Variants in PDZD8 observed in about 807,000 individuals in gnomAD.
The protein encoded by PDZD8 is PDZ domain-containing protein 8.
In PDZD8, 14 loss-of-function variants were observed where a neutral mutation model predicts 85.8. The ratio of observed to expected loss-of-function variants is 0.16; its 90% CI spans 0.11 to 0.26. The LOEUF (loss-of-function observed/expected upper bound fraction) is 0.26, where lower values mean the gene tolerates loss of function less well. Among genes scored for constraint, PDZD8 ranks in the 10% least tolerant of loss-of-function variants. PDZD8 has a pLI of 1.00. For missense variants in PDZD8, 1,197 were observed against 1,424.3 expected (o/e 0.84, Z 2.57); for synonymous variants, 592 against 568.6 (o/e 1.04, Z -0.59).
At chr10:117,338,414 C>G (rs1160887281) in intron 2 of PDZD8, among the ~76,000 whole-genome samples, 1 of 152,136 alleles carries the variant, frequency 6.6e-6, no homozygotes, top group African/African-American at 2.4e-5. Flanking sequence ...ATAACCTAAG[C>G]CGACAGTTAC....
chr10:117,365,609 C>T lies in PDZD8; in HGVS notation c.872+8747G>A, dbSNP rs145163547. Among the ~76,000 whole-genome samples, 605 of 152,164 alleles carry T rather than the reference C, an allele frequency of 4.0e-3. 5 individuals are homozygous for T. The highest frequency in any genetic ancestry group is 0.014 in the African/African-American group (563 of 41,488). ...TGATATATATCTAGTAAAATTAGTA[C>T]TGCTCATCTAAAGGTAAATAATTAA... On this transcript the variant is annotated intron_variant, in intron 1 of 4. Transcript: ENST00000334464.
At chr10:117,288,177 A>G (rs1844697523) in intron 4 of PDZD8, among the ~76,000 whole-genome samples, 1 of 152,212 alleles carries the variant, frequency 6.6e-6, no homozygotes, top group Non-Finnish European at 1.5e-5. Flanking sequence ...AGCTTCAAAT[A>G]TAATATTTTG....
rs547268986 is a variant in PDZD8 at position 117,374,730 on chromosome 10, G to A, written c.498C>T (p.Val166=). The change falls in exon 1 of 5, where the codon GTC becomes GTT. Residue 166 remains valine, a synonymous_variant. Transcript: ENST00000334464. This position sits in a 1 kb window ranked among gnomAD's most constrained non-coding sequence, Gnocchi z 7.8. ...CGGGCTCCCCGGTGGCCGAGGGCACGACTGGCCGCACGAGCCGGATGGTCT... is the reference window on the plus strand; with the variant it reads ...CGGGCTCCCCGGTGGCCGAGGGCACAACTGGCCGCACGAGCCGGATGGTCT... ...FIKTIRLVRP[V]VPSATGEPDG... The A allele has an allele frequency of 1.2e-6, 2 of 1,610,960 alleles. No individual in the cohort carries two copies. The highest frequency in any genetic ancestry group is 1.7e-5 in the Admixed American group (1 of 59,750).
intron 1 of PDZD8, among the ~76,000 whole-genome samples, chr10:117,370,486 G>A (rs1334921851): frequency 6.6e-6 from 1 of 152,192 alleles, no homozygotes; most frequent in Non-Finnish European, 1.5e-5. Context: ...CCAAAGGATC[G>A]TAAGACTCCA....
intron 1 of PDZD8, among the ~76,000 whole-genome samples, chr10:117,367,813 G>A (rs751863637): frequency 2.0e-5 from 3 of 152,012 alleles, no homozygotes; most frequent in Non-Finnish European, 2.9e-5. Context: ...ACACGCCTGT[G>A]GGAGGCTGAG....
At chr10:117,300,349 G>A (rs1843825574) in intron 3 of PDZD8, among the ~76,000 whole-genome samples, 1 of 152,094 alleles carries the variant, frequency 6.6e-6, no homozygotes, top group East Asian at 1.9e-4. Flanking sequence ...TTAAAAATTT[G>A]CTTATATAAA....
chr10:117,277,643 T>A lies in PDZD8; in HGVS notation c.*5625A>T, dbSNP rs1437015078. ...TCATATTGGTAATGAGTGTTTAAAA[T>A]TAAAGCACACATTATCTCTGAGACT... is the stretch of plus-strand genomic sequence containing the variant. On this transcript the variant is annotated 3_prime_UTR_variant, in exon 5 of 5. Transcript: ENST00000334464. The A allele has an allele frequency of 6.5e-6, 1 of 153,972 alleles. No individual in the cohort carries two copies. The highest frequency in any genetic ancestry group is 1.9e-4 in the East Asian group (1 of 5,260). 9.5% of individuals were successfully genotyped at this position (153,972 alleles called of 1,614,324 possible).
At chr10:117,342,022 G>C (rs79935210) in intron 1 of PDZD8, among the ~76,000 whole-genome samples, 4,928 of 152,234 alleles carry the variant, frequency 0.032, 87 homozygotes, top group South Asian at 0.039. Flanking sequence ...AAAGAATGAA[G>C]CTTAGGAAGG....
At chr10:117,356,401 T>G (rs1844895822) in intron 1 of PDZD8, among the ~76,000 whole-genome samples, 1 of 152,200 alleles carries the variant, frequency 6.6e-6, no homozygotes, top group Non-Finnish European at 1.5e-5. Context: ...AATAATAATT[T>G]ATTCCACAGA....
chr10:117,296,524 T>C (rs541029783), intron 3 of PDZD8, among the ~76,000 whole-genome samples: 1 of 152,082 alleles, frequency 6.6e-6, no homozygotes, highest in African/African-American at 2.4e-5. Context: ...ACTCCTTAAA[T>C]ATAACAGGGT....
chr10:117,314,151 T>A (rs1208438402), intron 3 of PDZD8: 1 of 152,206 alleles, frequency 6.6e-6, no homozygotes, highest in East Asian at 1.9e-4. Flanking sequence ...TGTTTGCATA[T>A]CTTGTTTCTT....
At chr10:117,290,482 A>C (rs363303) in intron 3 of PDZD8, 134 bp from the exon 4 acceptor site, 93,495 of 589,354 alleles carry the variant, frequency 0.16, 9,535 homozygotes, top group East Asian at 0.41. Flanking sequence ...AAATAAAGGA[A>C]GGAGAAAATC....
chr10:117,330,678 C>T (rs886288569), intron 2 of PDZD8, among the ~76,000 whole-genome samples: 2 of 152,174 alleles, frequency 1.3e-5, no homozygotes, highest in African/African-American at 4.8e-5. Flanking sequence ...CACCTTTAAC[C>T]CACAACACCT....
rs1286088576 is a variant in PDZD8, at chr10:117,374,856, C to T, written c.372G>A (p.Lys124=). 1 of 1,613,562 alleles carries T rather than the reference C, an allele frequency of 6.2e-7. No homozygotes were observed. The highest frequency in any genetic ancestry group is 1.3e-5 in the African/African-American group (1 of 74,912). The change falls in exon 1 of 5, where the codon AAG becomes AAA. Residue 124 remains lysine (K), a synonymous_variant. Transcript: ENST00000334464. This position sits in a 1 kb window ranked among gnomAD's most constrained non-coding sequence, Gnocchi z 7.8. ...TCTGCAGCAGCTCCTCGAACTCCAC[C>T]TTGATCTTCTTGGTGACCCAGCGGC... The part of the protein sequence containing the change: ...LTRRWVTKKI[K]VEFEELLQTK...
At chr10:117,331,583 AATT>A (rs1296358395) in intron 2 of PDZD8, among the ~76,000 whole-genome samples, 3 of 152,194 alleles carry the variant, frequency 2.0e-5, no homozygotes, top group African/African-American at 7.2e-5. Flanking sequence ...TCCTCTTTTA[AATT>A]ATTATTTTCT....
intron 1 of PDZD8, among the ~76,000 whole-genome samples, chr10:117,363,013 C>T (rs531774445): frequency 6.6e-6 from 1 of 152,168 alleles, no homozygotes; most frequent in South Asian, 2.1e-4. Context: ...TCAGATATCA[C>T]CTGTCCTAAA....
At chr10:117,345,879 C>G (rs1228438784) in intron 1 of PDZD8, among the ~76,000 whole-genome samples, 1 of 151,972 alleles carries the variant, frequency 6.6e-6, no homozygotes, top group Admixed American at 6.6e-5. Context: ...AGTCTGTGTC[C>G]ATGTTAAATA....
intron 3 of PDZD8, among the ~76,000 whole-genome samples, chr10:117,299,257 C>T: frequency 6.6e-6 from 1 of 152,140 alleles, no homozygotes; most frequent in East Asian, 1.9e-4. Flanking sequence ...CCCTCACAGT[C>T]CACGGTTGGG....
chr10:117,300,068 C>CG (rs1438861557), intron 3 of PDZD8, among the ~76,000 whole-genome samples: 1 of 152,018 alleles, frequency 6.6e-6, no homozygotes, highest in Non-Finnish European at 1.5e-5. Context: ...AGAAACCCCC[C>CG]CCATGTCAAA....
Sources: gnomAD v4.1 joint callset for allele counts (sites outside exome capture counted in the v4.1 genomes callset) on GRCh38, gnomAD v4.1.1 for gene constraint, Gnocchi (gnomAD v3.1) non-coding constraint, MANE v1.5 for transcripts, NCBI Gene and HGNC (gene_info 2026-07-23, HGNC 2026-07-21) for gene names.